Variants in EPHA6 observed in about 807,000 individuals in gnomAD.
EPHA6 encodes EPH receptor A6.
In EPHA6, 50 loss-of-function variants were observed where a neutral mutation model predicts 112.0. That is an observed-to-expected ratio of 0.45 (90% CI 0.36 to 0.56). The LOEUF is 0.56. Among genes scored for constraint, EPHA6 ranks in the 20% least tolerant of loss-of-function variants. The pLI is 0.00. For synonymous variants in EPHA6, 529 were observed against 490.7 expected (o/e 1.08, Z -1.03); for missense variants, 1,280 against 1,417.4 (o/e 0.90, Z 1.56).
At chr3:97,396,840 C>T (rs1477192898) in intron 5 of EPHA6, among the ~76,000 whole-genome samples, 2 of 151,578 alleles carry the variant, frequency 1.3e-5, no homozygotes, top group African/African-American at 2.4e-5. Flanking sequence ...GTTAACCAGA[C>T]TAATTTAGGA....
rs116759104 is a variant in EPHA6 at position 96,921,867 on chromosome 3, C to T, written c.450+54978C>T. ...TCAAGCATGAGCCACTGCGCCCAGC[C>T]TAAAAAACCTAACTTTTGATGCACG... On this transcript the variant is annotated intron_variant, in intron 2 of 17. Coordinates refer to ENST00000389672, the MANE Select transcript of EPHA6 (RefSeq NM_001080448.3). 2.3e-3 allele frequency among the ~76,000 whole-genome samples: 345 copies of T among 152,182 alleles called. 4 individuals are homozygous for T. Among genetic ancestry groups the T allele is most frequent in the African/African-American group, 7.7e-3 (320 of 41,524 alleles).
intron 2 of EPHA6, among the ~76,000 whole-genome samples, chr3:96,945,804 C>T (rs992755955): frequency 5.9e-5 from 9 of 152,100 alleles, no homozygotes; most frequent in African/African-American, 2.2e-4. Context: ...AATGCATGAT[C>T]TTGTTACAGT....
intron 2 of EPHA6, among the ~76,000 whole-genome samples, chr3:96,947,117 C>G (rs2041306368): frequency 1.3e-5 from 2 of 151,786 alleles, no homozygotes; most frequent in South Asian, 4.2e-4. Flanking sequence ...AAATTTTCTC[C>G]CATTCTGTGG....
At chr3:97,687,983 T>C (rs2032376927) in intron 14 of EPHA6, among the ~76,000 whole-genome samples, 2 of 152,214 alleles carry the variant, frequency 1.3e-5, no homozygotes, top group African/African-American at 4.8e-5. Flanking sequence ...TTGCTTCCCT[T>C]ACATTCCATT....
chr3:97,456,069 C>T (rs758715941), intron 7 of EPHA6, among the ~76,000 whole-genome samples: 1 of 151,914 alleles, frequency 6.6e-6, no homozygotes, highest in Non-Finnish European at 1.5e-5. Flanking sequence ...AGTGTTACAG[C>T]GTGGCTCATA....
chr3:97,278,988 T>G (rs1029204433), intron 5 of EPHA6, among the ~76,000 whole-genome samples: 14 of 152,294 alleles, frequency 9.2e-5, no homozygotes, highest in Admixed American at 5.9e-4. Flanking sequence ...TGTGGGCTCT[T>G]TATCTCTTGG....
At chr3:97,736,494 T>TGC (rs2035267434) in intron 16 of EPHA6, among the ~76,000 whole-genome samples, 1 of 151,634 alleles carries the variant, frequency 6.6e-6, no homozygotes, top group South Asian at 2.1e-4. Flanking sequence ...TGTGTGTGTG[T>TGC]GTGTGTGTGT....
chr3:97,060,186 A>C (rs2045975272), intron 3 of EPHA6, among the ~76,000 whole-genome samples: 1 of 152,194 alleles, frequency 6.6e-6, no homozygotes, highest in African/African-American at 2.4e-5. Context: ...TCCTATGTTC[A>C]AAACATTAAA....
intron 2 of EPHA6, among the ~76,000 whole-genome samples, chr3:96,935,160 T>C (rs1179689981): frequency 1.3e-5 from 2 of 151,878 alleles, no homozygotes; most frequent in Non-Finnish European, 2.9e-5. Context: ...CTGAAGACAA[T>C]ACTCACATTA....
intron 5 of EPHA6, among the ~76,000 whole-genome samples, chr3:97,342,139 C>G (rs1268941715): frequency 6.6e-6 from 1 of 152,080 alleles, no homozygotes; most frequent in Admixed American, 6.6e-5. Context: ...TCTTTTTCTC[C>G]CTTTTACTTT....
At chr3:97,027,773 A>G (rs1340325525) in intron 3 of EPHA6, among the ~76,000 whole-genome samples, 1 of 152,230 alleles carries the variant, frequency 6.6e-6, no homozygotes, top group Non-Finnish European at 1.5e-5. Context: ...TTTTAAAAAA[A>G]TGTCTATTTT....
intron 10 of EPHA6, among the ~76,000 whole-genome samples, chr3:97,530,954 A>C (rs2092688570): frequency 6.6e-6 from 1 of 152,058 alleles, no homozygotes; most frequent in Non-Finnish European, 1.5e-5. Context: ...TGTACTGCCA[A>C]ATCTAATTCG....
chr3:97,354,800 A>C (rs1403315686), intron 5 of EPHA6, among the ~76,000 whole-genome samples: 3 of 152,200 alleles, frequency 2.0e-5, no homozygotes, highest in African/African-American at 7.2e-5. Context: ...AGAATATCAC[A>C]AGGCATTTAG....
chr3:97,051,646 C>A (rs1442658986), intron 3 of EPHA6, among the ~76,000 whole-genome samples: 1 of 151,890 alleles, frequency 6.6e-6, no homozygotes, highest in Non-Finnish European at 1.5e-5. Flanking sequence ...AGATATGTAC[C>A]CCCAAAGTTA....
At chr3:97,673,065 G>C (rs1232537375) in intron 14 of EPHA6, among the ~76,000 whole-genome samples, 1 of 152,148 alleles carries the variant, frequency 6.6e-6, no homozygotes, top group Non-Finnish European at 1.5e-5. Flanking sequence ...CCCTAGGAGG[G>C]CTGCCTATTA....
intron 2 of EPHA6, among the ~76,000 whole-genome samples, chr3:96,945,178 C>T (rs1430997488): frequency 6.6e-6 from 1 of 152,186 alleles, no homozygotes; most frequent in African/African-American, 2.4e-5. Context: ...ACCAGTATTG[C>T]AACCGGTCTG....
chr3:96,863,719 G>T (rs2036140699), intron 1 of EPHA6, among the ~76,000 whole-genome samples: 1 of 151,832 alleles, frequency 6.6e-6, no homozygotes, highest in East Asian at 1.9e-4. Flanking sequence ...AACAAAGCAG[G>T]CTTAATATGT....
At chr3:96,985,656 GT>G (rs1362106330) in intron 2 of EPHA6, among the ~76,000 whole-genome samples, 4 of 152,068 alleles carry the variant, frequency 2.6e-5, no homozygotes, top group African/African-American at 9.7e-5. Context: ...GGAACTCATT[GT>G]TTTCTCTGGA....
chr3:97,606,924 G>C, intron 12 of EPHA6, among the ~76,000 whole-genome samples: 1 of 151,142 alleles, frequency 6.6e-6, no homozygotes, highest in East Asian at 1.9e-4. Context: ...ATTTTTTACA[G>C]TGATAATCTA....
Sources: gnomAD v4.1 joint callset for allele counts (sites outside exome capture counted in the v4.1 genomes callset) on GRCh38, gnomAD v4.1.1 for gene constraint, MANE v1.5 for transcripts, NCBI Gene and HGNC (gene_info 2026-07-23, HGNC 2026-07-21) for gene names.